The following SDK1 variants were observed in gnomAD, a reference collection of about 807,000 sequenced individuals.
The protein encoded by SDK1 is sidekick cell adhesion molecule 1.
SDK1 carries 157 observed loss-of-function variants against 245.5 expected under a neutral mutation model. The ratio of observed to expected loss-of-function variants is 0.64; its 90% CI spans 0.56 to 0.73. SDK1 has a LOEUF of 0.73. Ranked by LOEUF, SDK1 falls within the 30% of genes least tolerant of loss-of-function variation. The pLI, the probability that SDK1 is intolerant of heterozygous loss-of-function variation, is 0.00. For missense variants in SDK1, 3,583 were observed against 3,002.3 expected, an observed-to-expected ratio of 1.19 and a Z score of -4.52; for synonymous variants, 1,647 against 1,278.5, an observed-to-expected ratio of 1.29 and a Z score of -6.15.
intron 44 of SDK1, among the ~76,000 whole-genome samples, chr7:4,261,124 C>A (rs577834800): frequency 6.6e-6 from 1 of 152,166 alleles, no homozygotes; most frequent in Admixed American, 6.5e-5. Flanking sequence ...CTCCCTGCTA[C>A]GCCTCCATGG....
chr7:3,902,636 A>G (rs567301283), intron 5 of SDK1, among the ~76,000 whole-genome samples: 132 of 152,262 alleles, frequency 8.7e-4, no homozygotes, highest in African/African-American at 3.0e-3. Flanking sequence ...TGAATAATAT[A>G]TTTGTGGATA....
intron 25 of SDK1, among the ~76,000 whole-genome samples, chr7:4,121,273 T>G (rs1181293238): frequency 6.6e-6 from 1 of 152,110 alleles, no homozygotes; most frequent in African/African-American, 2.4e-5. Context: ...GTAGCATGTA[T>G]GGTGATACGG....
chr7:3,629,749 G>A (rs1485203731), intron 2 of SDK1, among the ~76,000 whole-genome samples: 2 of 152,138 alleles, frequency 1.3e-5, no homozygotes, highest in East Asian at 3.8e-4. Flanking sequence ...CCCAACAAGG[G>A]AAAATTCACA....
At chr7:3,868,939 TA>T (rs1390831155) in intron 5 of SDK1, among the ~76,000 whole-genome samples, 1 of 152,158 alleles carries the variant, frequency 6.6e-6, no homozygotes, top group Non-Finnish European at 1.5e-5. Flanking sequence ...TGAGAAAATG[TA>T]AATGACTACA....
chr7:4,127,531 A>G (rs1562849911), intron 26 of SDK1, 35 bp downstream of exon 26: 5 of 1,502,518 alleles, frequency 3.3e-6, no homozygotes, highest in Non-Finnish European at 4.6e-6. Context: ...CTTTGCTTAA[A>G]GAGTGGGCTG....
chr7:3,918,209 G>C (rs1779453234), intron 5 of SDK1, among the ~76,000 whole-genome samples: 1 of 152,152 alleles, frequency 6.6e-6, no homozygotes, highest in African/African-American at 2.4e-5. Flanking sequence ...TGGAGCAGGG[G>C]TTCCCAACCC....
intron 1 of SDK1, among the ~76,000 whole-genome samples, chr7:3,411,309 A>G (rs968362007): frequency 5.3e-5 from 8 of 152,196 alleles, no homozygotes; most frequent in African/African-American, 7.2e-5. Context: ...GAGAACTAAG[A>G]AAAGGCAGTT....
At chr7:3,931,830 G>T (rs529803508) in intron 5 of SDK1, among the ~76,000 whole-genome samples, 1 of 152,122 alleles carries the variant, frequency 6.6e-6, no homozygotes, top group African/African-American at 2.4e-5. Flanking sequence ...AACAAATGAC[G>T]CTCTCCTATT....
chr7:3,698,425 T>C (rs988416593), intron 4 of SDK1, among the ~76,000 whole-genome samples: 3 of 152,076 alleles, frequency 2.0e-5, no homozygotes, highest in Non-Finnish European at 4.4e-5. Context: ...TCCCTTGTCC[T>C]CCCCACTGGG....
chr7:3,744,839 AAAAG>A (rs1471691475), intron 4 of SDK1, among the ~76,000 whole-genome samples: 2 of 152,038 alleles, frequency 1.3e-5, no homozygotes, highest in East Asian at 1.9e-4. Context: ...AAAAAAAACA[AAAAG>A]AAAAAGAAAA....
At chr7:3,993,132 A>G (rs1784464627) in intron 14 of SDK1, among the ~76,000 whole-genome samples, 1 of 152,174 alleles carries the variant, frequency 6.6e-6, no homozygotes, top group Non-Finnish European at 1.5e-5. Context: ...ATTCTTTCAC[A>G]TGAGTGAGTC....
intron 20 of SDK1, among the ~76,000 whole-genome samples, chr7:4,072,793 G>T (rs1050140292): frequency 6.6e-6 from 1 of 152,166 alleles, no homozygotes; most frequent in Non-Finnish European, 1.5e-5. Flanking sequence ...GGCCAGAGGC[G>T]CTGTTGGAAA....
chr7:3,945,288 G>A (rs1322825431), intron 5 of SDK1, among the ~76,000 whole-genome samples: 1 of 152,202 alleles, frequency 6.6e-6, no homozygotes, highest in Non-Finnish European at 1.5e-5. Context: ...AATAGTGAGT[G>A]TTTCACTTTA....
At chr7:3,648,419 T>C (rs1782914639) in intron 4 of SDK1, among the ~76,000 whole-genome samples, 1 of 152,196 alleles carries the variant, frequency 6.6e-6, no homozygotes, top group Admixed American at 6.5e-5. Flanking sequence ...GCAAAGTTTA[T>C]AGATGAATGT....
chr7:4,206,681 C>T (rs1784244460), intron 36 of SDK1, among the ~76,000 whole-genome samples: 1 of 152,138 alleles, frequency 6.6e-6, no homozygotes, highest in Non-Finnish European at 1.5e-5. Context: ...CGTCCCATCC[C>T]TGAGGCCTGG....
chr7:4,016,109 C>T lies in SDK1; in HGVS notation c.2421-1062C>T, dbSNP rs555738413. The stretch of plus-strand genomic sequence containing the variant: ...GTGTCTGTCTCAGCTCCTTCCCCTT[C>T]GTGCTCAGGTGCCCTGCCCGCGTGG... On this transcript the variant is annotated intron_variant, in intron 16 of 44. Coordinates refer to ENST00000404826, the MANE Select transcript of SDK1 (RefSeq NM_152744.4). 1.6e-4 allele frequency among the ~76,000 whole-genome samples: 25 copies of T among 152,358 alleles called. No homozygotes were observed. The South Asian group carries it at 2.3e-3, about 14-fold the overall frequency.
At chr7:3,654,569 G>C (rs146375019) in intron 4 of SDK1, among the ~76,000 whole-genome samples, 3 of 152,204 alleles carry the variant, frequency 2.0e-5, no homozygotes, top group Non-Finnish European at 1.5e-5. Flanking sequence ...ACATGACGCA[G>C]TTGGACTTAA....
At chr7:4,207,879 A>G (rs1225872502) in intron 36 of SDK1, among the ~76,000 whole-genome samples, 1 of 152,206 alleles carries the variant, frequency 6.6e-6, no homozygotes, top group Non-Finnish European at 1.5e-5. Flanking sequence ...AATGTTAAAC[A>G]TCGTCTCCCA....
chr7:4,104,135 C>G (rs1782756927), intron 22 of SDK1, among the ~76,000 whole-genome samples: 1 of 152,248 alleles, frequency 6.6e-6, no homozygotes, highest in Non-Finnish European at 1.5e-5. Flanking sequence ...TCACCACTCA[C>G]TGCAGCCTAG....
Sources: gnomAD v4.1 joint callset for allele counts (sites outside exome capture counted in the v4.1 genomes callset) on GRCh38, gnomAD v4.1.1 for gene constraint, MANE v1.5 for transcripts, NCBI Gene and HGNC (gene_info 2026-07-23, HGNC 2026-07-21) for gene names.